MDGA2: variants seen among roughly 807,000 people sequenced by gnomAD.
MDGA2 encodes the protein MAM domain containing glycosylphosphatidylinositol anchor 2, also known as MAM domain-containing glycosylphosphatidylinositol anchor protein 2.
Under a neutral mutation model 117.8 loss-of-function variants are expected in MDGA2, and 40 were observed. That is an observed-to-expected ratio of 0.34 (90% CI 0.26 to 0.44). MDGA2 has a LOEUF of 0.44. Among genes scored for constraint, MDGA2 ranks in the 20% least tolerant of loss-of-function variants. The pLI is 1.00. For synonymous variants in MDGA2, 452 were observed against 439.0 expected (o/e 1.03, Z -0.37); for missense variants, 1,123 against 1,250.6 (o/e 0.90, Z 1.54).
At chr14:47,108,770 G>A (rs183268135) in intron 5 of MDGA2, among the ~76,000 whole-genome samples, 2 of 152,280 alleles carry the variant, frequency 1.3e-5, no homozygotes, top group African/African-American at 4.8e-5. Flanking sequence ...GCAAGAAAAT[G>A]CTGAAATCTA....
chr14:47,058,208 A>G (rs2138767967), intron 7 of MDGA2, among the ~76,000 whole-genome samples: 1 of 152,290 alleles, frequency 6.6e-6, no homozygotes, highest in Non-Finnish European at 1.5e-5. Flanking sequence ...ACAACAGAGT[A>G]ACAATTGAGA....
chr14:47,125,172 T>C (rs1225448459), intron 5 of MDGA2, among the ~76,000 whole-genome samples: 2 of 152,154 alleles, frequency 1.3e-5, no homozygotes, highest in African/African-American at 4.8e-5. Context: ...CTGATGTTAG[T>C]ACTAAGGTGC....
At chr14:47,267,108 A>G (rs75763399) in intron 2 of MDGA2, among the ~76,000 whole-genome samples, 4,376 of 152,238 alleles carry the variant, frequency 0.029, 154 homozygotes, top group East Asian at 0.18. Context: ...GTACCTGGTA[A>G]CACTGTCCTT....
intron 11 of MDGA2, 128 bp from the exon 12 acceptor site, chr14:46,877,637 G>A (rs1882285558): frequency 1.8e-6 from 1 of 566,560 alleles, no homozygotes; most frequent in South Asian, 3.0e-5. Flanking sequence ...CTTTCCCACT[G>A]TGGCCATTGA....
intron 9 of MDGA2, among the ~76,000 whole-genome samples, chr14:46,924,877 T>A (rs1199747898): frequency 2.0e-5 from 3 of 152,140 alleles, no homozygotes; most frequent in East Asian, 3.9e-4. Flanking sequence ...ACAAGCCATT[T>A]AATAAGAGTT....
At chr14:47,663,421 A>G (rs1408160048) in intron 1 of MDGA2, among the ~76,000 whole-genome samples, 1 of 152,242 alleles carries the variant, frequency 6.6e-6, no homozygotes, top group Non-Finnish European at 1.5e-5. Flanking sequence ...ATATTCAGAC[A>G]TGGAGAATAA....
At chr14:47,311,409 G>A (rs1889630054) in intron 1 of MDGA2, among the ~76,000 whole-genome samples, 1 of 152,094 alleles carries the variant, frequency 6.6e-6, no homozygotes, top group South Asian at 2.1e-4. Context: ...GATCTGGCCT[G>A]CCAATGTCCC....
At chr14:47,323,297 T>C (rs1408657504) in intron 1 of MDGA2, among the ~76,000 whole-genome samples, 1 of 151,410 alleles carries the variant, frequency 6.6e-6, no homozygotes, top group Non-Finnish European at 1.5e-5. Flanking sequence ...ACTTGATTAG[T>C]AGATGTGATG....
At chr14:47,579,076 C>A (rs944441335) in intron 1 of MDGA2, among the ~76,000 whole-genome samples, 5 of 151,872 alleles carry the variant, frequency 3.3e-5, no homozygotes, top group Non-Finnish European at 2.9e-5. Context: ...GAATAATTTA[C>A]AGAACAGGAA....
At chr14:47,356,356 C>T (rs996176909) in intron 1 of MDGA2, among the ~76,000 whole-genome samples, 2 of 152,198 alleles carry the variant, frequency 1.3e-5, no homozygotes, top group African/African-American at 2.4e-5. Flanking sequence ...TAGTAAAGCC[C>T]TCCATATGAC....
intron 1 of MDGA2, among the ~76,000 whole-genome samples, chr14:47,563,956 T>C (rs79195323): frequency 0.014 from 2,189 of 152,280 alleles, 51 homozygotes; most frequent in Admixed American, 0.057. Flanking sequence ...TCTAGTGGTA[T>C]TGAAATCCTT....
chr14:47,500,460 A>C (rs139170178), intron 1 of MDGA2, among the ~76,000 whole-genome samples: 7 of 152,192 alleles, frequency 4.6e-5, no homozygotes, highest in African/African-American at 1.7e-4. Context: ...AATTTCATTA[A>C]AATTCAAAAT....
intron 14 of MDGA2, among the ~76,000 whole-genome samples, chr14:46,872,804 CCA>C (rs1882062623): frequency 6.6e-6 from 1 of 151,842 alleles, no homozygotes; most frequent in Admixed American, 6.6e-5. Context: ...ATCTTTTTCC[CCA>C]CAGAGTTTAC....
intron 1 of MDGA2, among the ~76,000 whole-genome samples, chr14:47,662,175 T>TTGCCAGGG (rs1897862689): frequency 6.6e-6 from 1 of 152,212 alleles, no homozygotes; most frequent in African/African-American, 2.4e-5. Context: ...AGAGTCAGCT[T>TTGCCAGGG]TGCAAGGGAA....
chr14:47,550,586 A>C (rs1393741302), intron 1 of MDGA2, among the ~76,000 whole-genome samples: 2 of 152,180 alleles, frequency 1.3e-5, no homozygotes, highest in African/African-American at 2.4e-5. Flanking sequence ...AAAATCACAG[A>C]AATTCTTAGA....
intron 3 of MDGA2, 133 bp downstream of exon 3, chr14:47,217,888 G>T: frequency 4.8e-6 from 3 of 628,480 alleles, no homozygotes; most frequent in Non-Finnish European, 4.9e-6. Flanking sequence ...CGTTTTAAGG[G>T]AGCTATCATT....
intron 2 of MDGA2, among the ~76,000 whole-genome samples, chr14:47,252,332 AG>A (rs2139645598): frequency 6.6e-6 from 1 of 152,314 alleles, no homozygotes; most frequent in East Asian, 1.9e-4. Flanking sequence ...AGAACAGAAT[AG>A]GGTTGTGATA....
At chr14:47,347,355 G>C (rs981498908) in intron 1 of MDGA2, among the ~76,000 whole-genome samples, 7 of 152,152 alleles carry the variant, frequency 4.6e-5, no homozygotes, top group Non-Finnish European at 8.8e-5. Context: ...TTTAGAAAAA[G>C]GCAGAAAACA....
rs149799582 is a variant in MDGA2, at chr14:47,417,323, C to T, written c.281-115773G>A. ...CTTTGTCACTCACAAATTCTACCTTCCATAAAACACTAGGACACAAACACA... is the reference window on the plus strand; with the variant it reads ...CTTTGTCACTCACAAATTCTACCTTTCATAAAACACTAGGACACAAACACA... On this transcript the variant is annotated intron_variant, in intron 1 of 16. Coordinates refer to ENST00000399232, the MANE Select transcript of MDGA2 (RefSeq NM_001113498.3). 5.8e-3 allele frequency among the ~76,000 whole-genome samples: 887 copies of T among 152,302 alleles called. 11 individuals carry two copies. The highest frequency in any genetic ancestry group is 0.021 in the African/African-American group (853 of 41,568).
Sources: gnomAD v4.1 joint callset for allele counts (sites outside exome capture counted in the v4.1 genomes callset) on GRCh38, gnomAD v4.1.1 for gene constraint, MANE v1.5 for transcripts, NCBI Gene and HGNC (gene_info 2026-07-23, HGNC 2026-07-21) for gene names.